KSR2: variants seen among roughly 807,000 people sequenced by gnomAD.
KSR2 encodes kinase suppressor of ras 2.
In KSR2, 25 loss-of-function variants were observed where a neutral mutation model predicts 107.8. The observed-to-expected ratio is 0.23, with a 90% CI of 0.17 to 0.32. The LOEUF (loss-of-function observed/expected upper bound fraction) is 0.32, where lower values mean the gene tolerates loss of function less well. Ranked by LOEUF, KSR2 falls within the 10% of genes least tolerant of loss-of-function variation. The probability of loss-of-function intolerance (pLI) is 1.00; values close to 1 mark genes in which losing one functional copy is unlikely to be tolerated. For missense variants in KSR2, 887 were observed against 1,268.9 expected, an observed-to-expected ratio of 0.70 and a Z score of 4.57; for synonymous variants, 480 against 507.0, an observed-to-expected ratio of 0.95 and a Z score of 0.71.
At chr12:117,657,876 A>AT (rs1298348472) in intron 5 of KSR2, among the ~76,000 whole-genome samples, 1 of 152,232 alleles carries the variant, frequency 6.6e-6, no homozygotes, top group African/African-American at 2.4e-5. Context: ...CATGGAACTG[A>AT]TATTAGAGGA....
At chr12:117,929,113 C>T (rs1566086398) in intron 1 of KSR2, among the ~76,000 whole-genome samples, 2 of 152,212 alleles carry the variant, frequency 1.3e-5, no homozygotes, top group Non-Finnish European at 1.5e-5. Flanking sequence ...TCAATTACTT[C>T]ACATCTCTGC....
At chr12:117,750,165 G>A (rs1440030614) in intron 4 of KSR2, among the ~76,000 whole-genome samples, 2 of 150,822 alleles carry the variant, frequency 1.3e-5, no homozygotes, top group Admixed American at 6.6e-5. Flanking sequence ...CAGGAGAATC[G>A]CTTGAACCCG....
chr12:117,610,477 C>T (rs976340546), intron 5 of KSR2, among the ~76,000 whole-genome samples: 23 of 152,116 alleles, frequency 1.5e-4, no homozygotes, highest in Non-Finnish European at 2.4e-4. Context: ...CGGTGGCTCA[C>T]GTCTGTAATC....
At chr12:117,534,313 T>C (rs1193764790) in intron 10 of KSR2, among the ~76,000 whole-genome samples, 1 of 152,208 alleles carries the variant, frequency 6.6e-6, no homozygotes, top group African/African-American at 2.4e-5. Context: ...CCTGTAGCTC[T>C]GAGTCTCTCT....
intron 1 of KSR2, among the ~76,000 whole-genome samples, chr12:117,949,019 G>A (rs992946024): frequency 1.8e-4 from 27 of 152,146 alleles, no homozygotes; most frequent in African/African-American, 5.8e-4. Flanking sequence ...GCTTGAACCC[G>A]GAAGACTGAG....
At chr12:117,580,075 G>A (rs1879547710) in intron 6 of KSR2, among the ~76,000 whole-genome samples, 1 of 152,156 alleles carries the variant, frequency 6.6e-6, no homozygotes, top group Non-Finnish European at 1.5e-5. Flanking sequence ...AATCTCCACT[G>A]CCTCAGAGTG....
intron 14 of KSR2, among the ~76,000 whole-genome samples, chr12:117,501,762 C>T (rs957271654): frequency 1.3e-5 from 2 of 152,204 alleles, no homozygotes; most frequent in Non-Finnish European, 2.9e-5. Flanking sequence ...GACTGAACTA[C>T]CCGCTGCCAC....
intron 1 of KSR2, among the ~76,000 whole-genome samples, chr12:117,940,253 T>C (rs922199968): frequency 2.0e-5 from 3 of 152,208 alleles, no homozygotes; most frequent in Non-Finnish European, 4.4e-5. Flanking sequence ...GTCTCTTTAA[T>C]GCCATATCTT....
In KSR2 at chr12:117,834,523, T is replaced by C. The variant is rs79380812; in HGVS notation, c.472+20905A>G. ...CCTGAGTAGATTGGAGATTTGGCAT[T>C]TGATAGGCAATAAAATAAAATAATC... is the stretch of plus-strand genomic sequence containing the variant. On this transcript the variant is annotated intron_variant, in intron 3 of 19. Transcript: ENST00000339824. Among the ~76,000 whole-genome samples the C allele has an allele frequency of 5.6e-3, 853 of 152,108 alleles. 54 individuals are homozygous for C. The East Asian group carries it at 0.13, about 24-fold the overall frequency.
At chr12:117,817,866 C>T (rs1484821105) in intron 3 of KSR2, among the ~76,000 whole-genome samples, 2 of 151,986 alleles carry the variant, frequency 1.3e-5, no homozygotes, top group Admixed American at 6.6e-5. Flanking sequence ...TTTGGGAGGC[C>T]GAGGCAGGTG....
chr12:117,722,809 A>C (rs919508120), intron 4 of KSR2, among the ~76,000 whole-genome samples: 9 of 152,162 alleles, frequency 5.9e-5, no homozygotes, highest in Non-Finnish European at 1.2e-4. Flanking sequence ...GAGATCTAAG[A>C]ACCCTCTCTT....
At chr12:117,730,337 T>C (rs1372586139) in intron 4 of KSR2, among the ~76,000 whole-genome samples, 1 of 152,168 alleles carries the variant, frequency 6.6e-6, no homozygotes, top group Non-Finnish European at 1.5e-5. Flanking sequence ...TGATACTATA[T>C]ATAAGGCACT....
intron 9 of KSR2, among the ~76,000 whole-genome samples, chr12:117,549,607 A>G (rs915059235): frequency 1.3e-5 from 2 of 152,166 alleles, no homozygotes; most frequent in African/African-American, 4.8e-5. Context: ...TGTGTGCTGG[A>G]TGAAAGAAAA....
chr12:117,613,829 A>C (rs944683931), intron 5 of KSR2, among the ~76,000 whole-genome samples: 1 of 152,126 alleles, frequency 6.6e-6, no homozygotes, highest in Admixed American at 6.5e-5. Flanking sequence ...CCAGTGTGGT[A>C]ATGCATCATC....
intron 5 of KSR2, among the ~76,000 whole-genome samples, chr12:117,662,368 G>C (rs910892534): frequency 2.0e-5 from 3 of 152,148 alleles, no homozygotes; most frequent in Non-Finnish European, 4.4e-5. Flanking sequence ...CCCATCCTGA[G>C]TCTCTTTATA....
At position 117,524,553 on chromosome 12, in the gene KSR2, G is replaced by T. The variant is rs142743620; in HGVS notation, c.2219+299C>A. Among the ~76,000 whole-genome samples, 968 of 152,202 alleles carry T rather than the reference G, an allele frequency of 6.4e-3. 15 individuals carry two copies. The highest frequency in any genetic ancestry group is 0.022 in the African/African-American group (922 of 41,524). ...GTGATGGCACACACCTGTAGCGCCAGCTATTTGGGAGGCTGAAGCGAAAGG... is the reference window on the plus strand; with the variant it reads ...GTGATGGCACACACCTGTAGCGCCATCTATTTGGGAGGCTGAAGCGAAAGG... On this transcript the variant is annotated intron_variant, in intron 14 of 19. Coordinates refer to ENST00000339824, the MANE Select transcript of KSR2 (RefSeq NM_173598.6).
chr12:117,728,769 G>A (rs1345520716), intron 4 of KSR2, among the ~76,000 whole-genome samples: 2 of 152,176 alleles, frequency 1.3e-5, no homozygotes, highest in Non-Finnish European at 2.9e-5. Flanking sequence ...GGGAAGAAGT[G>A]GCCTTAGACA....
At chr12:117,490,422 C>T (rs1872687529) in intron 14 of KSR2, among the ~76,000 whole-genome samples, 1 of 152,216 alleles carries the variant, frequency 6.6e-6, no homozygotes, top group Admixed American at 6.5e-5. Flanking sequence ...GGATAAGAGT[C>T]TTACAAAGTG....
rs1870949071 is a variant in KSR2 at position 117,462,428 on chromosome 12, AC to A, written c.*4770del. The A allele has an allele frequency of 6.6e-6, 1 of 152,090 alleles. No individual in the cohort carries two copies. The highest frequency in any genetic ancestry group is 2.4e-5 in the African/African-American group (1 of 41,378). 9.4% of individuals were successfully genotyped at this position (152,090 alleles called of 1,614,324 possible). ...GATGGCCATATGAAGATAGGGACAC[AC>A]AGAGAGATGATGAGGGCAGGGATTG... On this transcript the variant is annotated 3_prime_UTR_variant, in exon 20 of 20. Coordinates refer to ENST00000339824, the MANE Select transcript of KSR2 (RefSeq NM_173598.6).
Sources: gnomAD v4.1 joint callset for allele counts (sites outside exome capture counted in the v4.1 genomes callset) on GRCh38, gnomAD v4.1.1 for gene constraint, MANE v1.5 for transcripts, NCBI Gene and HGNC (gene_info 2026-07-23, HGNC 2026-07-21) for gene names.